METTL8: variants seen among roughly 807,000 people sequenced by gnomAD.
METTL8 encodes the protein tRNA N(3)-cytidine methyltransferase METTL8, mitochondrial.
Under a neutral mutation model 48.7 loss-of-function variants are expected in METTL8, and 32 were observed. That is an observed-to-expected ratio of 0.66 (90% CI 0.50 to 0.88). The LOEUF is 0.88. METTL8 is among the 40% of genes least tolerant of loss of function. The pLI is 0.00. For synonymous variants in METTL8, 136 were observed against 157.1 expected, an observed-to-expected ratio of 0.87 and a Z score of 1.01; for missense variants, 464 against 474.4, an observed-to-expected ratio of 0.98 and a Z score of 0.20.
intron 1 of METTL8, among the ~76,000 whole-genome samples, chr2:171,409,573 C>T (rs945276457): frequency 2.6e-5 from 4 of 152,096 alleles, no homozygotes; most frequent in African/African-American, 9.7e-5. Context: ...TCCTTTCTCC[C>T]CCACTGAATG....
In METTL8 at chr2:171,316,831, A is replaced by G. The variant is rs1160514949; in HGVS notation, c.*7341T>C. Among the ~76,000 whole-genome samples the G allele has an allele frequency of 6.6e-6, 1 of 152,220 alleles. No individual in the cohort carries two copies. The highest frequency in any genetic ancestry group is 1.9e-4 in the East Asian group (1 of 5,202). ...TGCAGCATGTGATACTGGCAATTTCAGCCATTCTCTTTCAGGCAATTTTCA... is the reference window on the plus strand; with the variant it reads ...TGCAGCATGTGATACTGGCAATTTCGGCCATTCTCTTTCAGGCAATTTTCA... On this transcript the variant is annotated 3_prime_UTR_variant, in exon 10 of 10. Transcript: ENST00000375258.
At chr2:171,402,564 G>T (rs1049214561) in intron 1 of METTL8, among the ~76,000 whole-genome samples, 2 of 152,000 alleles carry the variant, frequency 1.3e-5, no homozygotes, top group African/African-American at 4.8e-5. Flanking sequence ...ATATACATAC[G>T]TTATATATAG....
rs147269982 is a variant in METTL8, at chr2:171,387,516, C to T, written c.143+4527G>A. Among the ~76,000 whole-genome samples the T allele has an allele frequency of 1.4e-3, 212 of 150,756 alleles. 4 individuals carry two copies. In the East Asian group the frequency reaches 0.015, roughly 11 times the overall value. Reference sequence around the variant, plus strand: ...CTGCACTCCAGCCAGGGCGACAGAGCGAGACTCTGTCTTATTTAAAAAAAA... The same window carrying T: ...CTGCACTCCAGCCAGGGCGACAGAGTGAGACTCTGTCTTATTTAAAAAAAA... On this transcript the variant is annotated intron_variant, in intron 2 of 9. Transcript: ENST00000375258.
chr2:171,400,788 G>A (rs1218121500), intron 1 of METTL8, among the ~76,000 whole-genome samples: 2 of 152,076 alleles, frequency 1.3e-5, no homozygotes, highest in Non-Finnish European at 2.9e-5. Flanking sequence ...CTGCTTTCTT[G>A]CATTTTAATA....
At chr2:171,355,092 T>C (rs1214454866) in intron 3 of METTL8, among the ~76,000 whole-genome samples, 2 of 152,234 alleles carry the variant, frequency 1.3e-5, no homozygotes, top group Admixed American at 1.3e-4. Flanking sequence ...CTTCCCATCT[T>C]TGTGGTTTTA....
chr2:171,354,225 T>G (rs1380853276), intron 3 of METTL8, among the ~76,000 whole-genome samples: 1 of 152,204 alleles, frequency 6.6e-6, no homozygotes, highest in South Asian at 2.1e-4. Context: ...TGAAGCTTAG[T>G]TTGGCTGGAT....
At chr2:171,434,759 C>T, upstream of METTL8, 1 of 1,387,138 alleles carries the variant, frequency 7.2e-7, no homozygotes, top group Non-Finnish European at 9.2e-7. Context: ...GGCGGCCGAG[C>T]CTCCTGCGGG....
rs545295203 is a variant in METTL8 at position 171,371,470 on chromosome 2, C to T, written c.144-10957G>A. Reference sequence around the variant, plus strand: ...CTCCCAGGTTCAAGTGATTCTCCTGCCTCAGCCTCCTGAGTAGCTGGGATT... The same window carrying T: ...CTCCCAGGTTCAAGTGATTCTCCTGTCTCAGCCTCCTGAGTAGCTGGGATT... On this transcript the variant is annotated intron_variant, in intron 2 of 9. Coordinates refer to ENST00000375258, the MANE Select transcript of METTL8 (RefSeq NM_001321154.2). Among the ~76,000 whole-genome samples the T allele has an allele frequency of 7.2e-5, 11 of 152,288 alleles. No individual in the cohort carries two copies. The East Asian group carries it at 2.1e-3, about 29-fold the overall frequency.
chr2:171,428,884 A>T (rs1356465431), intron 1 of METTL8, among the ~76,000 whole-genome samples: 2 of 152,188 alleles, frequency 1.3e-5, no homozygotes, highest in Non-Finnish European at 2.9e-5. Flanking sequence ...AAGTCAGCAA[A>T]CATGTCAGAA....
chr2:171,392,020 T>C (rs1688621931), intron 2 of METTL8, 23 bp downstream of exon 2: 83 of 1,540,586 alleles, frequency 5.4e-5, no homozygotes, highest in Non-Finnish European at 7.1e-5. Context: ...ACACATAATA[T>C]CAGATTTAAA....
At chr2:171,427,458 C>T (rs891313972) in intron 1 of METTL8, among the ~76,000 whole-genome samples, 7 of 152,178 alleles carry the variant, frequency 4.6e-5, no homozygotes, top group African/African-American at 1.4e-4. Flanking sequence ...CAAAGCTTAA[C>T]GTCTTGGTCC....
chr2:171,433,409 C>G lies in METTL8; in HGVS notation c.-13+474G>C, dbSNP rs1402178509. Among the ~76,000 whole-genome samples, 14 of 152,314 alleles carry G rather than the reference C, an allele frequency of 9.2e-5. No individual in the cohort carries two copies. The East Asian group carries it at 2.1e-3, about 23-fold the overall frequency. On this transcript the variant is annotated intron_variant, in intron 1 of 9. Coordinates refer to ENST00000375258, the MANE Select transcript of METTL8 (RefSeq NM_001321154.2). ...GGTGCGATCGCTGGCTTTCTTTGAGCACCTATGAACAAGAGGTAGCATGCC... is the reference window on the plus strand; with the variant it reads ...GGTGCGATCGCTGGCTTTCTTTGAGGACCTATGAACAAGAGGTAGCATGCC...
At chr2:171,353,521 G>C (rs140665971) in intron 3 of METTL8, among the ~76,000 whole-genome samples, 19 of 152,088 alleles carry the variant, frequency 1.2e-4, no homozygotes, top group African/African-American at 3.1e-4. Context: ...TCTGGATATC[G>C]TTGTTAACTT....
At chr2:171,395,028 G>A (rs896106226) in intron 1 of METTL8, among the ~76,000 whole-genome samples, 1 of 152,136 alleles carries the variant, frequency 6.6e-6, no homozygotes, top group Admixed American at 6.5e-5. Context: ...TGCTGGTCAT[G>A]GTTCAATTTT....
intron 3 of METTL8, among the ~76,000 whole-genome samples, chr2:171,341,920 C>T (rs1275041713): frequency 4.0e-5 from 6 of 151,840 alleles, no homozygotes; most frequent in Admixed American, 1.3e-4. Flanking sequence ...ATCAGTAATA[C>T]TGGTTGCCTC....
chr2:171,343,780 C>A (rs1687009756), intron 3 of METTL8, among the ~76,000 whole-genome samples: 1 of 152,182 alleles, frequency 6.6e-6, no homozygotes, highest in Non-Finnish European at 1.5e-5. Flanking sequence ...TGTGTACTTT[C>A]CTATTAAGCG....
chr2:171,376,993 T>C (rs1220029323), intron 2 of METTL8, among the ~76,000 whole-genome samples: 1 of 152,054 alleles, frequency 6.6e-6, no homozygotes, highest in Admixed American at 6.6e-5. Context: ...GGTATAAAAA[T>C]AGGCATATAG....
chr2:171,378,512 G>A (rs1222343667), intron 2 of METTL8, among the ~76,000 whole-genome samples: 4 of 151,990 alleles, frequency 2.6e-5, no homozygotes, highest in South Asian at 2.1e-4. Flanking sequence ...TGCGCCTGTA[G>A]TCCCAGCTAC....
intron 2 of METTL8, among the ~76,000 whole-genome samples, chr2:171,391,603 C>T (rs1688583553): frequency 6.6e-6 from 1 of 152,118 alleles, no homozygotes; most frequent in Admixed American, 6.5e-5. Flanking sequence ...GGTGGATTCC[C>T]TGAAAGCATA....
Sources: gnomAD v4.1 joint callset for allele counts (sites outside exome capture counted in the v4.1 genomes callset) on GRCh38, gnomAD v4.1.1 for gene constraint, MANE v1.5 for transcripts, NCBI Gene and HGNC (gene_info 2026-07-23, HGNC 2026-07-21) for gene names.